The following GALNTL6 variants were observed in gnomAD, a reference collection of about 807,000 sequenced individuals.
GALNTL6 encodes polypeptide N-acetylgalactosaminyltransferase-like 6.
A neutral mutation model predicts 73.7 loss-of-function variants in GALNTL6; 46 were observed. The ratio of observed to expected loss-of-function variants is 0.62; its 90% CI spans 0.49 to 0.80. The LOEUF is 0.80. GALNTL6 is among the 30% of genes least tolerant of loss of function. The pLI is 0.00. For missense variants in GALNTL6, 604 were observed against 755.0 expected, an observed-to-expected ratio of 0.80 and a Z score of 2.34; for synonymous variants, 259 against 263.7, an observed-to-expected ratio of 0.98 and a Z score of 0.17.
At chr4:172,953,355 G>A in intron 10 of GALNTL6, among the ~76,000 whole-genome samples, 1 of 152,198 alleles carries the variant, frequency 6.6e-6, no homozygotes, top group East Asian at 1.9e-4. Flanking sequence ...TCTTAACAGA[G>A]GATATCGGGG....
At chr4:172,639,932 A>G (rs964255229) in intron 5 of GALNTL6, among the ~76,000 whole-genome samples, 3 of 152,112 alleles carry the variant, frequency 2.0e-5, no homozygotes, top group African/African-American at 7.2e-5. Flanking sequence ...AGATCATGCC[A>G]ACAGCTTACA....
intron 2 of GALNTL6, among the ~76,000 whole-genome samples, chr4:172,076,601 G>A (rs1435579069): frequency 6.6e-6 from 1 of 152,136 alleles, no homozygotes; most frequent in Non-Finnish European, 1.5e-5. Context: ...TGCAAGACAT[G>A]TGAGACAAAT....
chr4:171,870,599 A>G (rs1252401212), intron 2 of GALNTL6, among the ~76,000 whole-genome samples: 1 of 152,082 alleles, frequency 6.6e-6, no homozygotes, highest in East Asian at 1.9e-4. Flanking sequence ...TCAGGAATTC[A>G]TATGTTGAAT....
chr4:172,160,408 C>T (rs577237970), intron 2 of GALNTL6, among the ~76,000 whole-genome samples: 22 of 151,610 alleles, frequency 1.5e-4, no homozygotes, highest in African/African-American at 4.6e-4. Flanking sequence ...CAGGCTTCAA[C>T]ACATCTGTTA....
intron 2 of GALNTL6, among the ~76,000 whole-genome samples, chr4:172,154,572 T>G (rs534842051): frequency 6.6e-6 from 1 of 152,342 alleles, no homozygotes; most frequent in South Asian, 2.1e-4. Flanking sequence ...TTTTGAATGA[T>G]GACTTGCTCA....
chr4:172,311,773 G>T, intron 4 of GALNTL6, 21 bp downstream of exon 4: 3 of 1,504,728 alleles, frequency 2.0e-6, no homozygotes, highest in East Asian at 2.4e-5. Flanking sequence ...GCATATCAGT[G>T]ATCAGGGTGG....
At chr4:172,228,291 C>T (rs1227354098) in intron 2 of GALNTL6, among the ~76,000 whole-genome samples, 2 of 152,014 alleles carry the variant, frequency 1.3e-5, no homozygotes, top group Admixed American at 6.6e-5. Context: ...TGATATTTTA[C>T]ATAAACTCAC....
chr4:172,487,067 T>C (rs1733693613), intron 5 of GALNTL6, among the ~76,000 whole-genome samples: 1 of 152,144 alleles, frequency 6.6e-6, no homozygotes, highest in African/African-American at 2.4e-5. Context: ...ACTGCAAACC[T>C]AAGAAGCTCA....
At chr4:172,398,526 G>A (rs528183111) in intron 5 of GALNTL6, among the ~76,000 whole-genome samples, 1 of 152,066 alleles carries the variant, frequency 6.6e-6, no homozygotes, top group Non-Finnish European at 1.5e-5. Context: ...AATAAGACTA[G>A]CTTTGCAATC....
chr4:171,839,237 G>A (rs1261707951), intron 2 of GALNTL6, among the ~76,000 whole-genome samples: 1 of 152,052 alleles, frequency 6.6e-6, no homozygotes, highest in African/African-American at 2.4e-5. Flanking sequence ...TATTAGTGCT[G>A]TTAAAATCTG....
At chr4:172,378,001 G>A (rs1339679069) in intron 5 of GALNTL6, among the ~76,000 whole-genome samples, 10 of 152,042 alleles carry the variant, frequency 6.6e-5, no homozygotes, top group Non-Finnish European at 5.9e-5. Context: ...TGCAGCGGCA[G>A]GCTGAAGGGC....
intron 5 of GALNTL6, among the ~76,000 whole-genome samples, chr4:172,768,109 T>C (rs961379517): frequency 4.6e-5 from 7 of 152,198 alleles, no homozygotes; most frequent in Admixed American, 1.3e-4. Flanking sequence ...AAAGGATAAT[T>C]CCCTTTTAGA....
chr4:171,917,913 A>G (rs193023246), intron 2 of GALNTL6, among the ~76,000 whole-genome samples: 149 of 152,264 alleles, frequency 9.8e-4, no homozygotes, highest in Non-Finnish European at 4.4e-4. Flanking sequence ...ACACCTTCTC[A>G]GAGAGTACTT....
chr4:172,393,902 AG>A (rs1743754802), intron 5 of GALNTL6, among the ~76,000 whole-genome samples: 2 of 152,186 alleles, frequency 1.3e-5, no homozygotes, highest in South Asian at 4.1e-4. Flanking sequence ...ATTTTAATTC[AG>A]TCACTCACAT....
intron 3 of GALNTL6, among the ~76,000 whole-genome samples, chr4:172,250,483 G>C (rs1248191053): frequency 6.6e-6 from 1 of 151,984 alleles, no homozygotes; most frequent in Non-Finnish European, 1.5e-5. Context: ...ATAATGATAT[G>C]GTTTTGCTGT....
At chr4:172,580,178 A>G (rs1292506632) in intron 5 of GALNTL6, among the ~76,000 whole-genome samples, 1 of 152,202 alleles carries the variant, frequency 6.6e-6, no homozygotes, top group East Asian at 1.9e-4. Context: ...CCTGCTCAGA[A>G]AACAAGCCAA....
chr4:172,773,048 C>G (rs10866356), intron 5 of GALNTL6, among the ~76,000 whole-genome samples: 67,581 of 151,992 alleles, frequency 0.44, 17,512 homozygotes, highest in East Asian at 0.72. Context: ...TGTAGTAAAA[C>G]AAAACTCTGC....
chr4:171,840,867 A>C (rs963980260), intron 2 of GALNTL6, among the ~76,000 whole-genome samples: 2 of 151,976 alleles, frequency 1.3e-5, no homozygotes, highest in Non-Finnish European at 2.9e-5. Flanking sequence ...ATTCTCCCCC[A>C]TTGGAAAATT....
intron 2 of GALNTL6, among the ~76,000 whole-genome samples, chr4:172,018,439 A>AG (rs1480221787): frequency 2.6e-5 from 4 of 151,996 alleles, no homozygotes; most frequent in Non-Finnish European, 4.4e-5. Flanking sequence ...AATGTTCCAG[A>AG]GGGGAGTATG....
Sources: gnomAD v4.1 joint callset for allele counts (sites outside exome capture counted in the v4.1 genomes callset) on GRCh38, gnomAD v4.1.1 for gene constraint, MANE v1.5 for transcripts, NCBI Gene and HGNC (gene_info 2026-07-23, HGNC 2026-07-21) for gene names.